RNF217: variants seen among roughly 807,000 people sequenced by gnomAD.
RNF217 encodes the protein E3 ubiquitin-protein ligase RNF217.
RNF217 carries 31 observed loss-of-function variants against 57.8 expected under a neutral mutation model. The observed-to-expected ratio is 0.54, with a 90% CI of 0.40 to 0.72. RNF217 has a LOEUF of 0.72. RNF217 is among the 30% of genes least tolerant of loss of function. The probability of loss-of-function intolerance (pLI) is 0.00; values close to 1 mark genes in which losing one functional copy is unlikely to be tolerated. For missense variants in RNF217, 696 were observed against 708.3 expected (o/e 0.98, Z 0.20); for synonymous variants, 313 against 294.0 (o/e 1.06, Z -0.66).
At position 125,011,235 on chromosome 6, in the gene RNF217, C is replaced by G. The variant is rs1433945507; in HGVS notation, c.883-33976C>G. ...ACAGTAGAAAGCTAAAGACTGAAAGCAAATAAATATTACATGTAATTGGCT... is the reference window on the plus strand; with the variant it reads ...ACAGTAGAAAGCTAAAGACTGAAAGGAAATAAATATTACATGTAATTGGCT... On this transcript the variant is annotated intron_variant, in intron 1 of 5. Transcript: ENST00000521654. Among the ~76,000 whole-genome samples the G allele has an allele frequency of 5.3e-5, 8 of 152,168 alleles. No individual in the cohort carries two copies. In the East Asian group the frequency reaches 1.5e-3, roughly 29 times the overall value.
At chr6:124,984,849 G>A (rs146960787) in intron 1 of RNF217, among the ~76,000 whole-genome samples, 1 of 152,062 alleles carries the variant, frequency 6.6e-6, no homozygotes, top group African/African-American at 2.4e-5. Context: ...AATTCCTGCA[G>A]GGGGAAAATG....
chr6:125,067,399 A>G (rs1787973131), intron 3 of RNF217, among the ~76,000 whole-genome samples: 1 of 152,196 alleles, frequency 6.6e-6, no homozygotes, highest in Non-Finnish European at 1.5e-5. Context: ...CTAGCTGTAG[A>G]CATCTGAAAG....
intron 1 of RNF217, among the ~76,000 whole-genome samples, chr6:125,013,345 TTGTGTATGTGTG>T (rs1435602393): frequency 1.8e-5 from 2 of 112,208 alleles, no homozygotes; most frequent in African/African-American, 6.3e-5. Context: ...CTTGCATGTT[TTGTGTATGTGTG>T]TGTGTGTGTG....
At chr6:124,976,231 G>T (rs551449897) in intron 1 of RNF217, among the ~76,000 whole-genome samples, 2 of 151,788 alleles carry the variant, frequency 1.3e-5, no homozygotes, top group Non-Finnish European at 2.9e-5. Context: ...TATTACCGGC[G>T]TAGTTTCTTC....
At chr6:125,030,043 A>G (rs981993562) in intron 1 of RNF217, among the ~76,000 whole-genome samples, 2 of 152,148 alleles carry the variant, frequency 1.3e-5, no homozygotes, top group African/African-American at 4.8e-5. Context: ...GGTGAAAGGC[A>G]TTTCTTACAT....
Position 125,009,474 on chromosome 6 carries a change from A to C in RNF217, c.883-35737A>C, listed in dbSNP as rs936409786. Reference sequence around the variant, plus strand: ...TTCTAGAAAGAATGTAAGAAGGCAGAAAAAAAAAAGAAAAACAGAGACTAT... The same window carrying C: ...TTCTAGAAAGAATGTAAGAAGGCAGCAAAAAAAAAGAAAAACAGAGACTAT... On this transcript the variant is annotated intron_variant, in intron 1 of 5. Coordinates refer to ENST00000521654, the MANE Select transcript of RNF217 (RefSeq NM_001286398.3). The C allele has an allele frequency of 1.6e-5, 4 of 251,104 alleles. No individual in the cohort carries two copies. The Admixed American group carries it at 2.9e-4, about 18-fold the overall frequency. 15.6% of individuals were successfully genotyped at this position (251,104 alleles called of 1,614,324 possible).
intron 1 of RNF217, among the ~76,000 whole-genome samples, chr6:125,002,940 AC>A (rs770257459): frequency 6.6e-6 from 1 of 152,194 alleles, no homozygotes; most frequent in Non-Finnish European, 1.5e-5. Context: ...AATCAGAGCA[AC>A]CAGGATGCTA....
At chr6:125,009,161 C>T in intron 1 of RNF217, 5 of 1,496,554 alleles carry the variant, frequency 3.3e-6, no homozygotes, top group Admixed American at 4.3e-5. Context: ...TTTTTCTCTT[C>T]TCATATTCAT....
chr6:124,989,765 A>G (rs565301331), intron 1 of RNF217, among the ~76,000 whole-genome samples: 8 of 152,104 alleles, frequency 5.3e-5, no homozygotes, highest in East Asian at 1.9e-4. Context: ...GATGTGGCCC[A>G]TGGACCAAAT....
intron 1 of RNF217, chr6:124,983,615 G>T: frequency 2.3e-6 from 1 of 428,276 alleles, no homozygotes; most frequent in Non-Finnish European, 3.1e-6. Context: ...GATACCTAAC[G>T]ATGTTTTCAC....
chr6:125,023,799 C>T (rs1169459861), intron 1 of RNF217, among the ~76,000 whole-genome samples: 2 of 152,044 alleles, frequency 1.3e-5, no homozygotes, highest in Non-Finnish European at 2.9e-5. Flanking sequence ...GAGGACATTA[C>T]GTTGAGTAGG....
chr6:125,012,243 T>C (rs979782428), intron 1 of RNF217, among the ~76,000 whole-genome samples: 4 of 152,196 alleles, frequency 2.6e-5, no homozygotes, highest in Admixed American at 2.6e-4. Context: ...AATGAAAGCA[T>C]TGCTAAGAGC....
At chr6:125,060,063 T>TAA (rs1787674029) in intron 3 of RNF217, among the ~76,000 whole-genome samples, 1 of 152,174 alleles carries the variant, frequency 6.6e-6, no homozygotes, top group Non-Finnish European at 1.5e-5. Flanking sequence ...TCTTGGACCC[T>TAA]AAAATTATGT....
intron 1 of RNF217, among the ~76,000 whole-genome samples, chr6:124,978,807 C>T (rs964145426): frequency 6.6e-5 from 10 of 152,074 alleles, no homozygotes; most frequent in South Asian, 4.1e-4. Context: ...GAATAAGGTA[C>T]GTGGACACAT....
At position 125,045,216 on chromosome 6, in the gene RNF217, A is replaced by T; in HGVS notation, c.888A>T (p.Gln296His). The T allele has an allele frequency of 1.2e-6, 2 of 1,611,174 alleles. No individual in the cohort carries two copies. The highest frequency in any genetic ancestry group is 1.7e-6 in the Non-Finnish European group (2 of 1,178,150). ...CLKVYLSAQV[Q>H]LGQVEIKCPI... Reference sequence around the variant, plus strand: ...TCTGCTCTTCCATCATGCAGGTACAACTTGGCCAAGTAGAAATCAAATGCC... The same window carrying T: ...TCTGCTCTTCCATCATGCAGGTACATCTTGGCCAAGTAGAAATCAAATGCC... Residue 296 changes from glutamine to histidine, a missense_variant, in exon 2 of 6, where the codon CAA becomes CAT. Physicochemically the swap from Gln to His is conservative, Grantham distance 24. Around this residue, in one of 2 missense-constraint regions of RNF217, gnomAD observed 231 missense variants for 321.4 expected, o/e 0.72. Transcript: ENST00000521654.
At chr6:125,050,364 T>C (rs568478724) in intron 2 of RNF217, among the ~76,000 whole-genome samples, 1 of 152,066 alleles carries the variant, frequency 6.6e-6, no homozygotes, top group East Asian at 1.9e-4. Flanking sequence ...ACAATGGCAC[T>C]TTTGATGCAT....
intron 1 of RNF217, among the ~76,000 whole-genome samples, chr6:125,016,768 A>ACAC (rs2114388382): frequency 6.8e-6 from 1 of 147,576 alleles, no homozygotes; most frequent in African/African-American, 2.5e-5. Context: ...GGAACATCAC[A>ACAC]CACCGGGGCC....
intron 1 of RNF217, among the ~76,000 whole-genome samples, chr6:124,971,054 G>C (rs1783741671): frequency 2.6e-5 from 4 of 152,170 alleles, no homozygotes; most frequent in Admixed American, 2.6e-4. Flanking sequence ...TTGTACTGCA[G>C]GTAGTAGAAT....
intron 1 of RNF217, among the ~76,000 whole-genome samples, chr6:125,036,926 G>A (rs9321015): frequency 0.27 from 39,904 of 148,472 alleles, 5,840 homozygotes; most frequent in East Asian, 0.4. Context: ...TTATAAAGCA[G>A]GAAATAACAG....
Sources: allele counts gnomAD v4.1 joint callset (sites outside exome capture counted in the v4.1 genomes callset), GRCh38; gene constraint gnomAD v4.1.1; regional missense constraint gnomAD v4.1.1; transcripts MANE v1.5; gene names NCBI Gene and HGNC (gene_info 2026-07-23, HGNC 2026-07-21).